GIGYF2: variants seen among roughly 807,000 people sequenced by gnomAD.
GIGYF2 encodes the protein GRB10 interacting GYF protein 2, also known as GRB10-interacting GYF protein 2.
In GIGYF2, 25 loss-of-function variants were observed where a neutral mutation model predicts 208.1. That is an observed-to-expected ratio of 0.12 (90% CI 0.09 to 0.17). The LOEUF is 0.17. Ranked by LOEUF, GIGYF2 falls within the 10% of genes least tolerant of loss-of-function variation. The pLI, the probability that GIGYF2 is intolerant of heterozygous loss-of-function variation, is 1.00. For synonymous variants in GIGYF2, 534 were observed against 543.8 expected (o/e 0.98, Z 0.25); for missense variants, 1,302 against 1,579.4 (o/e 0.82, Z 2.98).
rs1458733676 is a variant in GIGYF2, at chr2:232,858,344, T to A, written c.*1484T>A. 2.6e-6 allele frequency: 1 copy of A among 390,378 alleles called. No homozygotes were observed. The highest frequency in any genetic ancestry group is 3.6e-5 in the Admixed American group (1 of 27,442). 24.2% of individuals were successfully genotyped at this position (390,378 alleles called of 1,614,324 possible). ...TGGCTTCTATTTTTATTATTTTGGA[T>A]CACCATTCTCCCTATCCCTTCTTGC... On this transcript the variant is annotated 3_prime_UTR_variant, in exon 29 of 29. Coordinates refer to ENST00000373563, the MANE Select transcript of GIGYF2 (RefSeq NM_001103146.3).
At position 232,847,529 on chromosome 2, in the gene GIGYF2, G is replaced by C. The variant is rs759722891; in HGVS notation, c.3642G>C (p.Gln1214His). ...RQQQQLPQQQ[Q>H]QQPPQQPPQQ... ...AGCAGCAGCTGCCACAGCAGCAGCA[G>C]CAGCAGCCGCCACAGCAGCCGCCAC... The change falls in exon 27 of 29, where the codon CAG becomes CAC. Residue 1214 changes from glutamine to histidine, a missense_variant. By Grantham distance (24) the Gln-to-His change is conservative (BLOSUM62 0). Coordinates refer to ENST00000373563, the MANE Select transcript of GIGYF2 (RefSeq NM_001103146.3). 1 of 1,606,786 alleles carries C rather than the reference G, an allele frequency of 6.2e-7. No homozygotes were observed. Among genetic ancestry groups the C allele is most frequent in the Non-Finnish European group, 8.5e-7 (1 of 1,177,102 alleles).
intron 2 of GIGYF2, among the ~76,000 whole-genome samples, chr2:232,721,516 C>G (rs1696941622): frequency 6.6e-6 from 1 of 152,180 alleles, no homozygotes; most frequent in Non-Finnish European, 1.5e-5. Context: ...GAATCAGGGT[C>G]TTCATCCTTC....
chr2:232,729,484 C>G lies in GIGYF2; in HGVS notation c.-43-5671C>G. The G allele has an allele frequency of 9.3e-6, 10 of 1,074,578 alleles. 1 individual carries two copies. The highest frequency in any genetic ancestry group is 1.3e-5 in the Non-Finnish European group (10 of 795,406). The allele number at this position is 1,074,578 out of a possible 1,614,324, so 66.6% of individuals were successfully genotyped here. A position where few individuals can be genotyped will look rare whatever the true frequency, so the allele number is the denominator to read the frequency against. On this transcript the variant is annotated intron_variant, in intron 2 of 28. Coordinates refer to ENST00000373563, the MANE Select transcript of GIGYF2 (RefSeq NM_001103146.3). ...TTAGGTTTTTTTTTTTAATTAACCT[C>G]TCAAGCTTTTATTTAAATGCCATGA... is the stretch of plus-strand genomic sequence containing the variant.
chr2:232,737,263 G>C (rs1373387125), intron 3 of GIGYF2, among the ~76,000 whole-genome samples: 1 of 152,020 alleles, frequency 6.6e-6, no homozygotes, highest in African/African-American at 2.4e-5. Flanking sequence ...CCTTTTTATT[G>C]ATACTCTGAA....
intron 22 of GIGYF2, among the ~76,000 whole-genome samples, chr2:232,835,491 TC>T (rs144804663): frequency 0.012 from 1,800 of 152,294 alleles, 18 homozygotes; most frequent in Non-Finnish European, 0.02. Flanking sequence ...CCTGCTTTTT[TC>T]CCCAGTGTAT....
chr2:232,819,797 C>G (rs200399625), intron 20 of GIGYF2, 30 bp from the exon 21 acceptor site: 3 of 245,684 alleles, frequency 1.2e-5, no homozygotes, highest in Admixed American at 6.2e-5. Flanking sequence ...GTCCCTCCCC[C>G]ACCCCCCACC....
rs760103831 is a variant in GIGYF2, at chr2:232,756,206, T to C, written c.268-17T>C. ...TTTTTTTCCTTTTTCTCTTTTTTTT[T>C]TTTTTTTTTTTGGCAGAGAAACTTT... On this transcript the variant is annotated splice_polypyrimidine_tract_variant and intron_variant, in intron 5 of 28. Transcript: ENST00000373563. 3.3e-6 allele frequency: 4 copies of C among 1,225,038 alleles called. No homozygotes were observed. The highest frequency in any genetic ancestry group is 5.1e-5 in the East Asian group (2 of 39,474). The allele number at this position is 1,225,038 out of a possible 1,614,324, so 75.9% of individuals were successfully genotyped here.
intron 3 of GIGYF2, among the ~76,000 whole-genome samples, chr2:232,739,113 C>A (rs186211625): frequency 1.3e-5 from 2 of 150,456 alleles, no homozygotes; most frequent in Admixed American, 6.6e-5. Context: ...AATCCCAGCA[C>A]TTTGGGAGGC....
intron 9 of GIGYF2, chr2:232,788,669 G>A: frequency 2.4e-6 from 1 of 414,998 alleles, no homozygotes; most frequent in Non-Finnish European, 5.2e-6. Flanking sequence ...GTTTAACAAA[G>A]TACCTCCCAC....
rs1345539313 is a variant in GIGYF2 at position 232,845,717 on chromosome 2, A to G, written c.3306-15A>G. On this transcript the variant is annotated splice_polypyrimidine_tract_variant and intron_variant, in intron 25 of 28. Transcript: ENST00000373563. ...GTTTCTGGGAATATAATATCACCCT[A>G]TTGTTTTGCTTTAGTAAATCTGTAG... 3.2e-6 allele frequency: 5 copies of G among 1,579,466 alleles called. No homozygotes were observed. The highest frequency in any genetic ancestry group is 2.2e-5 in the East Asian group (1 of 44,714).
At chr2:232,819,759 G>A in intron 20 of GIGYF2, 68 bp from the exon 21 acceptor site, 2 of 843,566 alleles carry the variant, frequency 2.4e-6, no homozygotes, top group South Asian at 1.4e-5. Context: ...TTCCAAATAT[G>A]ACATAATAAA....
At chr2:232,814,670 G>A (rs538910063) in intron 18 of GIGYF2, among the ~76,000 whole-genome samples, 2 of 149,734 alleles carry the variant, frequency 1.3e-5, no homozygotes, top group South Asian at 2.1e-4. Context: ...AGCTCATTAT[G>A]TATATGCAAA....
At chr2:232,755,551 T>TAG (rs1466487556) in intron 5 of GIGYF2, among the ~76,000 whole-genome samples, 1 of 152,204 alleles carries the variant, frequency 6.6e-6, no homozygotes, top group African/African-American at 2.4e-5. Context: ...CACTCCACTA[T>TAG]CTCTTTTTAC....
At position 232,836,399 on chromosome 2, in the gene GIGYF2, A is replaced by AATATATATATAAATATATATATAT. The variant is rs71056301; in HGVS notation, c.2766+3321_2766+3322insTATATATATATATATATATAAATA. 4.4e-3 allele frequency among the ~76,000 whole-genome samples: 208 copies of AATATATATATAAATATATATATAT among 47,770 alleles called. 20 individuals carry two copies. The highest frequency in any genetic ancestry group is 0.021 in the African/African-American group (195 of 9,402). 31.3% of individuals were successfully genotyped at this position (47,770 alleles called of 152,430 possible). On this transcript the variant is annotated intron_variant, in intron 22 of 28. Transcript: ENST00000373563. ...ATAAATATAAATATATATAAATATA[A>AATATATATATAAATATATATATAT]ATATATATATAAATAAATTATTCAG...
chr2:232,796,049 T>A lies in GIGYF2; in HGVS notation c.1480-13T>A, dbSNP rs1700212982. ...ATCATTTGTTTCCTTGATTTTTGTT[T>A]TTCTGTTACTAGCAAGCTGAGAAAA... On this transcript the variant is annotated splice_polypyrimidine_tract_variant and intron_variant, in intron 13 of 28. Coordinates refer to ENST00000373563, the MANE Select transcript of GIGYF2 (RefSeq NM_001103146.3). 1 of 1,602,768 alleles carries A rather than the reference T, an allele frequency of 6.2e-7. No homozygotes were observed. The highest frequency in any genetic ancestry group is 1.3e-5 in the African/African-American group (1 of 74,692).
At chr2:232,707,740 C>T (rs1045077763) in intron 2 of GIGYF2, among the ~76,000 whole-genome samples, 3 of 150,684 alleles carry the variant, frequency 2.0e-5, no homozygotes, top group East Asian at 2.0e-4. Context: ...TGGGTTCAAG[C>T]GATTTTCCTG....
At chr2:232,772,770 C>A (rs1221155099) in intron 8 of GIGYF2, among the ~76,000 whole-genome samples, 1 of 152,076 alleles carries the variant, frequency 6.6e-6, no homozygotes, top group African/African-American at 2.4e-5. Context: ...AGGTAGATAC[C>A]CTTGAGAGTG....
intron 2 of GIGYF2, among the ~76,000 whole-genome samples, chr2:232,726,313 G>T (rs1038356554): frequency 1.3e-5 from 2 of 148,166 alleles, no homozygotes; most frequent in Admixed American, 1.4e-4. Flanking sequence ...AGGTTGCAGT[G>T]AGCCGCTGTC....
At chr2:232,738,127 G>A (rs1418042744) in intron 3 of GIGYF2, among the ~76,000 whole-genome samples, 1 of 151,932 alleles carries the variant, frequency 6.6e-6, no homozygotes, top group African/African-American at 2.4e-5. Context: ...ATGTTGGCCA[G>A]GCTGGTCTCG....
Sources: allele counts gnomAD v4.1 joint callset (sites outside exome capture counted in the v4.1 genomes callset), GRCh38; gene constraint gnomAD v4.1.1; transcripts MANE v1.5; gene names NCBI Gene and HGNC (gene_info 2026-07-23, HGNC 2026-07-21).